TBC1D14: variants seen among roughly 807,000 people sequenced by gnomAD.
TBC1D14 encodes the protein TBC1 domain family member 14.
Under a neutral mutation model 79.0 loss-of-function variants are expected in TBC1D14, and 26 were observed. The observed-to-expected ratio is 0.33, with a 90% confidence interval of 0.24 to 0.46. The LOEUF (loss-of-function observed/expected upper bound fraction) is 0.46. Among genes scored for constraint, TBC1D14 ranks in the 20% least tolerant of loss-of-function variants. The probability of loss-of-function intolerance (pLI) is 1.00; values close to 1 mark genes in which losing one functional copy is unlikely to be tolerated. For synonymous variants in TBC1D14, 394 were observed against 349.9 expected, an observed-to-expected ratio of 1.13 and a Z score of -1.40; for missense variants, 769 against 887.6, an observed-to-expected ratio of 0.87 and a Z score of 1.70.
chr4:6,960,536 GC>G (rs773103267), intron 2 of TBC1D14, among the ~76,000 whole-genome samples: 2 of 152,114 alleles, frequency 1.3e-5, no homozygotes, highest in Non-Finnish European at 2.9e-5. Context: ...TATGTACCTT[GC>G]TTTTTTCCCT....
At chr4:6,980,798 C>T (rs1339916544) in intron 3 of TBC1D14, among the ~76,000 whole-genome samples, 3 of 151,716 alleles carry the variant, frequency 2.0e-5, no homozygotes, top group Admixed American at 2.0e-4. Flanking sequence ...TCACTGCAAC[C>T]TCTGCCTACC....
At chr4:6,940,430 C>T (rs1712796080) in intron 2 of TBC1D14, among the ~76,000 whole-genome samples, 1 of 152,182 alleles carries the variant, frequency 6.6e-6, no homozygotes, top group Non-Finnish European at 1.5e-5. Context: ...AAGAACCGCC[C>T]TCAGGGCTCC....
At position 7,004,807 on chromosome 4, in the gene TBC1D14, T is replaced by C. The variant is rs571760550; in HGVS notation, c.1271-37T>C. On this transcript the variant is annotated intron_variant, in intron 7 of 13. Transcript: ENST00000409757. The stretch of plus-strand genomic sequence containing the variant: ...TGTGGTGGTTTTGACGAAAAATACA[T>C]GTGCACGTAATACTTACCCAGAGGC... 5.0e-6 allele frequency: 8 copies of C among 1,604,236 alleles called. No homozygotes were observed. The South Asian group carries it at 5.5e-5, about 11-fold the overall frequency.
At chr4:6,999,240 A>G in intron 6 of TBC1D14, 38 bp downstream of exon 6, 2 of 1,550,474 alleles carry the variant, frequency 1.3e-6, no homozygotes, top group Non-Finnish European at 1.8e-6. Context: ...ACTGCAGAGC[A>G]TGTCTTTCTA....
intron 2 of TBC1D14, among the ~76,000 whole-genome samples, chr4:6,945,707 C>T (rs1713372121): frequency 7.3e-6 from 1 of 136,060 alleles, no homozygotes; most frequent in Admixed American, 8.7e-5. Flanking sequence ...CGAGATCGCG[C>T]CATTGCGCTC....
At chr4:6,951,309 A>G (rs913703122) in intron 2 of TBC1D14, among the ~76,000 whole-genome samples, 24 of 152,032 alleles carry the variant, frequency 1.6e-4, no homozygotes, top group Admixed American at 1.5e-3. Context: ...ATAAACAACA[A>G]CAACAACAAC....
At chr4:6,998,910 A>C in intron 5 of TBC1D14, 175 bp from the exon 6 acceptor site, 1 of 598,628 alleles carries the variant, frequency 1.7e-6, no homozygotes, top group Non-Finnish European at 3.0e-6. Context: ...TAAAGGGTGG[A>C]TAATGCCTGA....
chr4:6,960,317 C>G (rs1433156409), intron 2 of TBC1D14, among the ~76,000 whole-genome samples: 2 of 150,944 alleles, frequency 1.3e-5, no homozygotes, highest in Non-Finnish European at 2.9e-5. Flanking sequence ...ATCTCAAACT[C>G]CTGAGCTCAA....
Position 7,022,955 on chromosome 4 carries a change from A to G in TBC1D14, c.1758-2049A>G, listed in dbSNP as rs940674171. Among the ~76,000 whole-genome samples, 9 of 152,184 alleles carry G rather than the reference A, an allele frequency of 5.9e-5. 1 individual carries two copies. The South Asian group carries it at 1.2e-3, about 21-fold the overall frequency. ...TATAAAATATGTATGGGTATAAACTATATAAAAACTGTTGTTTTGGCTGGG... is the reference window on the plus strand; with the variant it reads ...TATAAAATATGTATGGGTATAAACTGTATAAAAACTGTTGTTTTGGCTGGG... On this transcript the variant is annotated intron_variant, in intron 12 of 13. Coordinates refer to ENST00000409757, the MANE Select transcript of TBC1D14 (RefSeq NM_020773.3).
At chr4:6,932,172 C>T (rs1264040975) in intron 2 of TBC1D14, among the ~76,000 whole-genome samples, 2 of 151,992 alleles carry the variant, frequency 1.3e-5, no homozygotes, top group East Asian at 3.9e-4. Flanking sequence ...CCAGCCTGGC[C>T]AAGATGGTGA....
intron 11 of TBC1D14, among the ~76,000 whole-genome samples, chr4:7,011,619 C>T (rs1239304388): frequency 6.6e-6 from 1 of 151,788 alleles, no homozygotes; most frequent in East Asian, 1.9e-4. Flanking sequence ...TGCAATGGTG[C>T]CATCTCAGCT....
At chr4:6,963,765 G>A (rs920543355) in intron 2 of TBC1D14, among the ~76,000 whole-genome samples, 6 of 152,258 alleles carry the variant, frequency 3.9e-5, no homozygotes, top group African/African-American at 1.4e-4. Context: ...CCTATCATAT[G>A]AGCCTAAGCT....
intron 12 of TBC1D14, among the ~76,000 whole-genome samples, chr4:7,023,192 G>A (rs980845616): frequency 6.6e-6 from 1 of 152,208 alleles, no homozygotes; most frequent in Admixed American, 6.5e-5. Context: ...GGTGGAGGTT[G>A]CAGTGAGTCG....
intron 2 of TBC1D14, among the ~76,000 whole-genome samples, chr4:6,962,998 C>G (rs570686118): frequency 6.6e-6 from 1 of 152,322 alleles, no homozygotes; most frequent in South Asian, 2.1e-4. Context: ...TCTACCCTGC[C>G]CTCTGGGAGA....
At chr4:6,990,033 TA>T (rs1718327752) in intron 3 of TBC1D14, among the ~76,000 whole-genome samples, 1 of 152,248 alleles carries the variant, frequency 6.6e-6, no homozygotes. Flanking sequence ...CTGACATAAC[TA>T]AGTGTAAAGC....
At chr4:6,943,670 T>C (rs1164678184) in intron 2 of TBC1D14, among the ~76,000 whole-genome samples, 1 of 152,174 alleles carries the variant, frequency 6.6e-6, no homozygotes, top group Admixed American at 6.5e-5. Flanking sequence ...AGACCTCTAA[T>C]GTGGACCCCA....
chr4:6,937,879 T>G (rs1712497561), intron 2 of TBC1D14, among the ~76,000 whole-genome samples: 1 of 152,036 alleles, frequency 6.6e-6, no homozygotes, highest in Non-Finnish European at 1.5e-5. Flanking sequence ...GAGGCTCCAG[T>G]CACACAGCCG....
At chr4:6,924,244 T>C in intron 2 of TBC1D14, 133 bp downstream of exon 2, 2 of 1,265,048 alleles carry the variant, frequency 1.6e-6, no homozygotes, top group East Asian at 5.3e-5. Flanking sequence ...ATTGGGTCTT[T>C]TCCCAGAAGC....
intron 1 of TBC1D14, among the ~76,000 whole-genome samples, chr4:6,922,970 G>A (rs1723984880): frequency 1.3e-5 from 2 of 152,246 alleles, no homozygotes; most frequent in Middle Eastern, 3.2e-3. Context: ...GGAGGCCGAG[G>A]TGGGTGGATT....
Sources: gnomAD v4.1 joint callset for allele counts (sites outside exome capture counted in the v4.1 genomes callset) on GRCh38, gnomAD v4.1.1 for gene constraint, MANE v1.5 for transcripts, NCBI Gene and HGNC (gene_info 2026-07-23, HGNC 2026-07-21) for gene names.